Variants in SSH2 observed in about 807,000 individuals in gnomAD.
SSH2 encodes protein phosphatase Slingshot homolog 2.
In SSH2, 37 loss-of-function variants were observed where a neutral mutation model predicts 135.2. The observed-to-expected ratio is 0.27, with a 90% confidence interval of 0.21 to 0.36. SSH2 has a LOEUF of 0.36. SSH2 is among the 10% of genes least tolerant of loss of function. The pLI is 1.00. For missense variants in SSH2, 1,408 were observed against 1,765.3 expected (o/e 0.80, Z 3.63); for synonymous variants, 628 against 646.2 (o/e 0.97, Z 0.43).
intron 2 of SSH2, among the ~76,000 whole-genome samples, chr17:29,833,905 TTCCC>T (rs1389563150): frequency 1.3e-5 from 1 of 74,714 alleles, no homozygotes; most frequent in Admixed American, 1.3e-4. Flanking sequence ...CCTTCCTTCC[TTCCC>T]TCCCTCCCTG....
chr17:29,755,883 G>A (rs2041101105), intron 3 of SSH2, among the ~76,000 whole-genome samples: 1 of 150,008 alleles, frequency 6.7e-6, no homozygotes, highest in South Asian at 2.1e-4. Flanking sequence ...GGACGGTCTC[G>A]ATCTCCTGAG....
At chr17:29,903,461 CA>C (rs35245063) in intron 1 of SSH2, among the ~76,000 whole-genome samples, 336 of 136,508 alleles carry the variant, frequency 2.5e-3, no homozygotes, top group Admixed American at 4.3e-3. Flanking sequence ...CAAGATTTAC[CA>C]AAAAAAAAAA....
At chr17:29,650,570 G>A (rs2036546375) in intron 13 of SSH2, 84 bp downstream of exon 13, 1 of 1,295,810 alleles carries the variant, frequency 7.7e-7, no homozygotes, top group Non-Finnish European at 1.0e-6. Context: ...CCATCAGTAA[G>A]TTGTCTATAG....
At chr17:29,753,284 T>C (rs1018299203) in intron 3 of SSH2, among the ~76,000 whole-genome samples, 14 of 151,682 alleles carry the variant, frequency 9.2e-5, no homozygotes, top group African/African-American at 3.4e-4. Context: ...GCACCCACCA[T>C]CATGCCCAGC....
intron 1 of SSH2, among the ~76,000 whole-genome samples, chr17:29,921,929 G>T (rs1189436693): frequency 6.6e-6 from 1 of 152,134 alleles, no homozygotes; most frequent in Non-Finnish European, 1.5e-5. Flanking sequence ...TAGTGGGGGA[G>T]ATAAGTAATA....
At chr17:29,752,147 A>G (rs1255632903) in intron 3 of SSH2, among the ~76,000 whole-genome samples, 1 of 152,234 alleles carries the variant, frequency 6.6e-6, no homozygotes, top group East Asian at 1.9e-4. Flanking sequence ...TAATTCAGTA[A>G]AATTTCAATC....
At chr17:29,717,006 T>C (rs1004283410) in intron 3 of SSH2, among the ~76,000 whole-genome samples, 9 of 152,234 alleles carry the variant, frequency 5.9e-5, no homozygotes, top group African/African-American at 2.2e-4. Context: ...CCTCAGTTTC[T>C]AAGACATTAA....
intron 3 of SSH2, among the ~76,000 whole-genome samples, chr17:29,792,059 A>T (rs1476615764): frequency 6.6e-6 from 1 of 151,466 alleles, no homozygotes; most frequent in East Asian, 1.9e-4. Context: ...AGTAGCTGGG[A>T]TTACAGGCAT....
chr17:29,800,942 T>C (rs1646703576), intron 2 of SSH2, among the ~76,000 whole-genome samples: 1 of 151,630 alleles, frequency 6.6e-6, no homozygotes, highest in East Asian at 1.9e-4. Context: ...CTCGGCTCAC[T>C]GCACCCTCTG....
chr17:29,840,436 G>A (rs2043020237), intron 2 of SSH2, among the ~76,000 whole-genome samples: 1 of 152,132 alleles, frequency 6.6e-6, no homozygotes, highest in African/African-American at 2.4e-5. Context: ...TCAACTATGT[G>A]CAATTTACAA....
intron 1 of SSH2, among the ~76,000 whole-genome samples, chr17:29,850,757 G>A (rs1599089901): frequency 6.6e-6 from 1 of 152,130 alleles, no homozygotes; most frequent in African/African-American, 2.4e-5. Flanking sequence ...AGGCCGAGGC[G>A]GGTGGATCAC....
intron 1 of SSH2, among the ~76,000 whole-genome samples, chr17:29,901,133 T>C (rs1472755329): frequency 6.6e-6 from 1 of 151,722 alleles, no homozygotes; most frequent in African/African-American, 2.4e-5. Flanking sequence ...CTGTTGTGGG[T>C]TGGGGGGAGG....
chr17:29,635,310 C>A (rs899011294), intron 15 of SSH2, among the ~76,000 whole-genome samples: 1 of 152,198 alleles, frequency 6.6e-6, no homozygotes, highest in Non-Finnish European at 1.5e-5. Context: ...ATTTCCCAAA[C>A]AAATCTATCT....
intron 5 of SSH2, among the ~76,000 whole-genome samples, chr17:29,686,100 G>A (rs1416635389): frequency 6.6e-6 from 1 of 151,896 alleles, no homozygotes; most frequent in African/African-American, 2.4e-5. Flanking sequence ...TGCCCACCTC[G>A]GCCTCACAAG....
chr17:29,657,272 T>C (rs1049512286), intron 11 of SSH2, among the ~76,000 whole-genome samples: 11 of 136,770 alleles, frequency 8.0e-5, no homozygotes, highest in African/African-American at 3.1e-4. Context: ...CAGCCTACTT[T>C]CTTTTTTCTT....
intron 3 of SSH2, among the ~76,000 whole-genome samples, chr17:29,747,528 C>G (rs2040802006): frequency 6.6e-6 from 1 of 152,198 alleles, no homozygotes; most frequent in African/African-American, 2.4e-5. Flanking sequence ...AAATTACTGG[C>G]TACACCCTTT....
At chr17:29,856,123 G>T (rs904480500) in intron 1 of SSH2, 11 of 315,638 alleles carry the variant, frequency 3.5e-5, no homozygotes, top group Non-Finnish European at 5.5e-5. Context: ...AAATACATCT[G>T]GATGGTTTAG....
intron 2 of SSH2, among the ~76,000 whole-genome samples, chr17:29,807,504 C>T (rs573549240): frequency 6.6e-6 from 1 of 152,286 alleles, no homozygotes; most frequent in Non-Finnish European, 1.5e-5. Context: ...CAGTACCATA[C>T]TCAAGGAGTT....
chr17:29,743,852 T>C (rs1482272827), intron 3 of SSH2, among the ~76,000 whole-genome samples: 2 of 151,992 alleles, frequency 1.3e-5, no homozygotes, highest in African/African-American at 4.8e-5. Flanking sequence ...AGTTTCAGTA[T>C]GCCATTTTTC....
Sources: allele counts gnomAD v4.1 joint callset (sites outside exome capture counted in the v4.1 genomes callset), GRCh38; gene constraint gnomAD v4.1.1; transcripts MANE v1.5; gene names NCBI Gene and HGNC (gene_info 2026-07-23, HGNC 2026-07-21).